The following FRMD3 variants were observed in gnomAD, a reference collection of about 807,000 sequenced individuals.
The protein encoded by FRMD3 is FERM domain containing 3.
FRMD3 carries 33 observed loss-of-function variants against 70.2 expected under a neutral mutation model. That is an observed-to-expected ratio of 0.47 (90% CI 0.36 to 0.63). The LOEUF (loss-of-function observed/expected upper bound fraction) is 0.63, where lower values mean the gene tolerates loss of function less well. Ranked by LOEUF, FRMD3 falls within the 20% of genes least tolerant of loss-of-function variation. The pLI, the probability that FRMD3 is intolerant of heterozygous loss-of-function variation, is 0.00. For missense variants in FRMD3, 632 were observed against 711.4 expected (o/e 0.89, Z 1.27); for synonymous variants, 279 against 255.9 (o/e 1.09, Z -0.86).
intron 1 of FRMD3, among the ~76,000 whole-genome samples, chr9:83,520,885 G>A (rs72746827): frequency 0.028 from 4,248 of 149,588 alleles, 81 homozygotes; most frequent in Non-Finnish European, 0.042. Context: ...AAGACTTTGG[G>A]AAGCTGAGGT....
At position 83,247,078 on chromosome 9, in the gene FRMD3, C is replaced by A. The variant is rs187151637; in HGVS notation, c.*840G>T. Reference sequence around the variant, plus strand: ...CATCTGCTTCTCCAGCCAAAATATACGGACAGAATACAAATGAAAATAACA... The same window carrying A: ...CATCTGCTTCTCCAGCCAAAATATAAGGACAGAATACAAATGAAAATAACA... On this transcript the variant is annotated 3_prime_UTR_variant, in exon 14 of 14. Coordinates refer to ENST00000304195, the MANE Select transcript of FRMD3 (RefSeq NM_174938.6). 1 of 985,256 alleles carries A rather than the reference C, an allele frequency of 1.0e-6. No individual in the cohort carries two copies. The highest frequency in any genetic ancestry group is 1.2e-6 in the Non-Finnish European group (1 of 829,918). The allele number at this position is 985,256 out of a possible 1,614,324, so 61.0% of individuals were successfully genotyped here. A position where few individuals can be genotyped will look rare whatever the true frequency, so the allele number is the denominator to read the frequency against.
chr9:83,434,330 G>C (rs896568954), intron 1 of FRMD3, among the ~76,000 whole-genome samples: 3 of 152,182 alleles, frequency 2.0e-5, no homozygotes, highest in Admixed American at 6.5e-5. Flanking sequence ...GTTAGACACA[G>C]GGGGACTTCA....
intron 13 of FRMD3, among the ~76,000 whole-genome samples, chr9:83,269,515 T>C (rs889645950): frequency 6.6e-6 from 1 of 152,096 alleles, no homozygotes; most frequent in Non-Finnish European, 1.5e-5. Flanking sequence ...AAAACAAGCC[T>C]GGCCAACATG....
chr9:83,490,105 T>C (rs9314719), intron 1 of FRMD3, among the ~76,000 whole-genome samples: 23,236 of 152,066 alleles, frequency 0.15, 2,055 homozygotes, highest in East Asian at 0.33. Flanking sequence ...GTGCCTTCCC[T>C]CAGTCATTAC....
intron 1 of FRMD3, among the ~76,000 whole-genome samples, chr9:83,500,502 G>GCACACACACACACA (rs3084172): frequency 1.9e-4 from 28 of 143,816 alleles, no homozygotes; most frequent in African/African-American, 5.4e-4. Flanking sequence ...GTGTATGCGC[G>GCACACACACACACA]CACACACACA....
At chr9:83,322,772 T>C (rs1218018261) in intron 6 of FRMD3, among the ~76,000 whole-genome samples, 3 of 152,188 alleles carry the variant, frequency 2.0e-5, no homozygotes, top group African/African-American at 7.2e-5. Flanking sequence ...TGACTATTAG[T>C]CAGTTCCCAG....
At chr9:83,270,314 G>T (rs1833492017) in intron 13 of FRMD3, among the ~76,000 whole-genome samples, 1 of 152,216 alleles carries the variant, frequency 6.6e-6, no homozygotes. Context: ...AACCAAAGAA[G>T]AAGAATGGCA....
the FRMD3 span, among the ~76,000 whole-genome samples, chr9:83,569,378 T>C: frequency 3.3e-5 from 5 of 152,186 alleles, no homozygotes; most frequent in African/African-American, 7.2e-5. Context: ...TTTTGATAAA[T>C]AGACTCTCCC....
intron 1 of FRMD3, among the ~76,000 whole-genome samples, chr9:83,482,628 G>A (rs1045272465): frequency 6.6e-6 from 1 of 152,114 alleles, no homozygotes; most frequent in Non-Finnish European, 1.5e-5. Context: ...CAATAAAGAT[G>A]GTAGGACATT....
intron 1 of FRMD3, among the ~76,000 whole-genome samples, chr9:83,504,464 C>T (rs1829139281): frequency 6.6e-6 from 1 of 152,130 alleles, no homozygotes; most frequent in Non-Finnish European, 1.5e-5. Flanking sequence ...GTCTGCCACC[C>T]CCTCTCTTGG....
At chr9:83,318,797 C>G (rs1402739168) in intron 6 of FRMD3, among the ~76,000 whole-genome samples, 2 of 152,142 alleles carry the variant, frequency 1.3e-5, no homozygotes, top group African/African-American at 4.8e-5. Context: ...TCTCTGCATC[C>G]TTGACAACAT....
In FRMD3 at chr9:83,342,691, AT is replaced by A. The variant is rs1342764673; in HGVS notation, c.472+498del. ...GATGGATGGATGGATGGATGGATAG[AT>A]TAGATAGATAGATAGATAGATAGAT... is the stretch of plus-strand genomic sequence containing the variant. On this transcript the variant is annotated intron_variant, in intron 5 of 13. Transcript: ENST00000304195. Among the ~76,000 whole-genome samples the A allele has an allele frequency of 3.3e-3, 411 of 124,416 alleles. 2 individuals carry two copies. Among genetic ancestry groups the A allele is most frequent in the African/African-American group, 7.3e-3 (244 of 33,654 alleles). The allele number at this position is 124,416 out of a possible 152,430, so 81.6% of individuals were successfully genotyped here. A position where few individuals can be genotyped will look rare whatever the true frequency, so the allele number is the denominator to read the frequency against.
chr9:83,413,847 T>C (rs757196992), intron 1 of FRMD3, among the ~76,000 whole-genome samples: 1 of 152,206 alleles, frequency 6.6e-6, no homozygotes, highest in Non-Finnish European at 1.5e-5. Flanking sequence ...AAGAAAACTA[T>C]TAGAGATTTA....
chr9:83,280,450 C>T (rs569219338), intron 13 of FRMD3, among the ~76,000 whole-genome samples: 5 of 152,202 alleles, frequency 3.3e-5, no homozygotes, highest in Non-Finnish European at 5.9e-5. Flanking sequence ...GGGTGACTCA[C>T]CCTGGTTTAC....
chr9:83,364,893 T>C (rs946171090), intron 3 of FRMD3, among the ~76,000 whole-genome samples: 5 of 152,344 alleles, frequency 3.3e-5, no homozygotes, highest in Admixed American at 6.5e-5. Flanking sequence ...TATCTGCCCC[T>C]TGTATGTATG....
chr9:83,382,770 T>C (rs1409867790), intron 2 of FRMD3, among the ~76,000 whole-genome samples: 1 of 152,134 alleles, frequency 6.6e-6, no homozygotes, highest in Non-Finnish European at 1.5e-5. Context: ...CCATCTCCTT[T>C]GCTGGTTTTG....
chr9:83,331,770 A>G lies in FRMD3; in HGVS notation c.596+3746T>C, dbSNP rs755029360. 7.3e-6 allele frequency: 5 copies of G among 687,438 alleles called. No homozygotes were observed. In the Admixed American group the frequency reaches 1.0e-4, roughly 14 times the overall value. The allele number at this position is 687,438 out of a possible 1,614,324, so 42.6% of individuals were successfully genotyped here. A position where few individuals can be genotyped will look rare whatever the true frequency, so the allele number is the denominator to read the frequency against. On this transcript the variant is annotated intron_variant, in intron 6 of 13. Coordinates refer to ENST00000304195, the MANE Select transcript of FRMD3 (RefSeq NM_174938.6). Reference sequence around the variant, plus strand: ...CTCTTTTAAAAAATAAAGTCTATTAAAAAAAGAAAAACAACTCTATTAGTC... The same window carrying G: ...CTCTTTTAAAAAATAAAGTCTATTAGAAAAAGAAAAACAACTCTATTAGTC...
chr9:83,252,586 G>C (rs554505264), intron 13 of FRMD3, among the ~76,000 whole-genome samples: 3 of 152,242 alleles, frequency 2.0e-5, no homozygotes, highest in African/African-American at 4.8e-5. Context: ...ACTGGGAAAA[G>C]AGCCAAGACC....
At chr9:83,291,763 T>C (rs1324156244) in intron 12 of FRMD3, among the ~76,000 whole-genome samples, 1 of 152,182 alleles carries the variant, frequency 6.6e-6, no homozygotes, top group Non-Finnish European at 1.5e-5. Flanking sequence ...GAAAATGTGT[T>C]CAGGTTTGAA....
Sources: gnomAD v4.1 joint callset for allele counts (sites outside exome capture counted in the v4.1 genomes callset) on GRCh38, gnomAD v4.1.1 for gene constraint, MANE v1.5 for transcripts, NCBI Gene and HGNC (gene_info 2026-07-23, HGNC 2026-07-21) for gene names.